The following CHD1 variants were observed in gnomAD, a reference collection of about 807,000 sequenced individuals.
CHD1 encodes chromodomain helicase DNA binding protein 1, also known as ATP-dependent chromatin remodeler CHD1.
A neutral mutation model predicts 224.2 loss-of-function variants in CHD1; 36 were observed. That is an observed-to-expected ratio of 0.16 (90% CI 0.12 to 0.21). The LOEUF (loss-of-function observed/expected upper bound fraction) is 0.21. Ranked by LOEUF, CHD1 falls within the 10% of genes least tolerant of loss-of-function variation. CHD1 has a pLI of 1.00. For synonymous variants in CHD1, 668 were observed against 658.3 expected, an observed-to-expected ratio of 1.01 and a Z score of -0.23; for missense variants, 1,378 against 1,994.8, an observed-to-expected ratio of 0.69 and a Z score of 5.89.
At chr5:98,911,146 A>AAAAAAAAAATAT (rs1491111295) in intron 2 of CHD1, among the ~76,000 whole-genome samples, 6 of 39,140 alleles carry the variant, frequency 1.5e-4, no homozygotes, top group African/African-American at 2.4e-4. Flanking sequence ...AAAAAAAAAA[A>AAAAAAAAAATAT]ATATATATAT....
Position 98,869,767 on chromosome 5 carries a change from T to C in CHD1, c.4094A>G (p.Glu1365Gly). 6.2e-7 allele frequency: 1 copy of C among 1,613,482 alleles called. No homozygotes were observed. The highest frequency in any genetic ancestry group is 8.5e-7 in the Non-Finnish European group (1 of 1,179,694). The change falls in exon 30 of 36, where the codon GAA becomes GGA. Residue 1365 changes from glutamate (E) to glycine (G), a missense_variant. Physicochemically the swap from Glu to Gly is moderately conservative, Grantham distance 98 (BLOSUM62 -2). Around this residue, in one of 16 missense-constraint regions of CHD1, gnomAD observed 105 missense variants for 93.4 expected, o/e 1.12. Coordinates refer to ENST00000614616, the MANE Select transcript of CHD1 (RefSeq NM_001270.4). ...SSPLPSEKSD[E>G]DDDKLSESKS... The stretch of plus-strand genomic sequence containing the variant: ...ACACATTCTTACTTTATCATCATCT[T>C]CATCAGACTTCTCTGAAGGCAGAGG...
At chr5:98,926,984 C>T (rs754463661) in intron 1 of CHD1, among the ~76,000 whole-genome samples, 2 of 150,052 alleles carry the variant, frequency 1.3e-5, no homozygotes, top group African/African-American at 4.9e-5. Flanking sequence ...GAACTTCATA[C>T]ACTTGAGTGA....
chr5:98,893,167 G>T (rs1751128194), intron 14 of CHD1, among the ~76,000 whole-genome samples: 1 of 152,030 alleles, frequency 6.6e-6, no homozygotes, highest in African/African-American at 2.4e-5. Context: ...TTCAAACAAG[G>T]TATATTTTGA....
chr5:98,912,604 G>C (rs1343583565), intron 2 of CHD1, among the ~76,000 whole-genome samples: 1 of 152,166 alleles, frequency 6.6e-6, no homozygotes, highest in Admixed American at 6.5e-5. Flanking sequence ...CCAGGAGGCA[G>C]AGGTTGCAGT....
At chr5:98,869,210 G>A in intron 30 of CHD1, 1 of 979,806 alleles carries the variant, frequency 1.0e-6, no homozygotes, top group Non-Finnish European at 1.2e-6. Context: ...ATCTGGCTCA[G>A]GTTTTTCTTC....
At chr5:98,890,991 T>G (rs1750981823) in intron 15 of CHD1, among the ~76,000 whole-genome samples, 1 of 152,176 alleles carries the variant, frequency 6.6e-6, no homozygotes, top group African/African-American at 2.4e-5. Flanking sequence ...AGAGAAAACT[T>G]GAACACTGAT....
chr5:98,876,645 C>T, intron 23 of CHD1, 87 bp from the exon 24 acceptor site: 1 of 1,167,364 alleles, frequency 8.6e-7, no homozygotes, highest in Non-Finnish European at 1.2e-6. Flanking sequence ...TGGTCGGAAT[C>T]TTAAAAATGT....
intron 16 of CHD1, among the ~76,000 whole-genome samples, 165 bp from the exon 17 acceptor site, chr5:98,888,405 T>C (rs1750792320): frequency 6.6e-6 from 1 of 152,214 alleles, no homozygotes; most frequent in African/African-American, 2.4e-5. Flanking sequence ...ACCATTTCAC[T>C]CTATGACTGA....
Position 98,858,243 on chromosome 5 carries a change from G to A in CHD1, c.4724C>T (p.Pro1575Leu), listed in dbSNP as rs199701368. 1.9e-6 allele frequency: 3 copies of A among 1,613,122 alleles called. No homozygotes were observed. The highest frequency in any genetic ancestry group is 1.3e-5 in the African/African-American group (1 of 74,950). The change falls in exon 35 of 36, where the codon CCC (proline) becomes CTC (leucine). Residue 1575 changes from proline (P) to leucine (L), a missense_variant. By Grantham distance (98) the Pro-to-Leu change is moderately conservative. Coordinates refer to ENST00000614616, the MANE Select transcript of CHD1 (RefSeq NM_001270.4). The stretch of plus-strand genomic sequence containing the variant: ...TTTACCATTACTAAAAGAAGAATAG[G>A]GTCTTTTCCTGGAATCACTTTTTTT... ...SYKKSDSRKR[P>L]YSSFSNGKDH...
intron 7 of CHD1, among the ~76,000 whole-genome samples, chr5:98,900,192 G>A (rs187654156): frequency 0.014 from 2,101 of 151,062 alleles, 42 homozygotes; most frequent in African/African-American, 0.048. Flanking sequence ...TGAGGCAGGA[G>A]AATGGCGTGA....
chr5:98,918,761 A>C (rs537196412), intron 2 of CHD1, among the ~76,000 whole-genome samples: 39 of 136,858 alleles, frequency 2.8e-4, no homozygotes, highest in African/African-American at 1.1e-3. Context: ...TTCAAAAAAA[A>C]AAAAAAACAA....
chr5:98,898,512 G>T, intron 9 of CHD1, 78 bp from the exon 10 acceptor site: 1 of 1,316,066 alleles, frequency 7.6e-7, no homozygotes. Flanking sequence ...TCTTAGTAAA[G>T]GCTACACAAG....
Position 98,854,207 on chromosome 5 carries a change from C to G in CHD1, c.*2173G>C, listed in dbSNP as rs1376434035. ...TCTTACAAAAATGAACATATTTTAT[C>G]ATTTGATAAATGTACATACAGTTCT... On this transcript the variant is annotated 3_prime_UTR_variant, in exon 36 of 36. Coordinates refer to ENST00000614616, the MANE Select transcript of CHD1 (RefSeq NM_001270.4). 1 of 151,932 alleles carries G rather than the reference C, an allele frequency of 6.6e-6. No individual in the cohort carries two copies. Among genetic ancestry groups the G allele is most frequent in the Non-Finnish European group, 1.5e-5 (1 of 67,882 alleles). 9.4% of individuals were successfully genotyped at this position (151,932 alleles called of 1,614,324 possible). A position where few individuals can be genotyped will look rare whatever the true frequency, so the allele number is the denominator to read the frequency against.
Position 98,893,623 on chromosome 5 carries a change from A to G in CHD1, c.1801-17T>C. The stretch of plus-strand genomic sequence containing the variant: ...AAGGAATGCCTTAAAATAATAGAAA[A>G]ACAGTATTTTGAGAGAAAAACGGAA... On this transcript the variant is annotated splice_polypyrimidine_tract_variant and intron_variant, in intron 13 of 35. Transcript: ENST00000614616. The G allele has an allele frequency of 6.7e-7, 1 of 1,497,176 alleles. No homozygotes were observed. The highest frequency in any genetic ancestry group is 9.0e-7 in the Non-Finnish European group (1 of 1,110,566). The allele number at this position is 1,497,176 out of a possible 1,614,324, so 92.7% of individuals were successfully genotyped here.
chr5:98,905,117 C>G lies in CHD1; in HGVS notation c.54-19G>C. ...CGACTGGCTATAATTTGAAAATAAA[C>G]AATTTCAAACAAAATTCATTAGGAA... On this transcript the variant is annotated intron_variant, in intron 2 of 35. Transcript: ENST00000614616. 1.9e-6 allele frequency: 3 copies of G among 1,610,964 alleles called. No individual in the cohort carries two copies. The highest frequency in any genetic ancestry group is 2.5e-6 in the Non-Finnish European group (3 of 1,177,928).
intron 5 of CHD1, among the ~76,000 whole-genome samples, chr5:98,902,428 C>A (rs1389461624): frequency 6.6e-6 from 1 of 151,984 alleles, no homozygotes; most frequent in Admixed American, 6.6e-5. Flanking sequence ...GATTGAGAAT[C>A]TGAAGTATTC....
At chr5:98,913,196 C>T (rs955056811) in intron 2 of CHD1, among the ~76,000 whole-genome samples, 4 of 152,180 alleles carry the variant, frequency 2.6e-5, no homozygotes, top group African/African-American at 9.7e-5. Flanking sequence ...TCTTGCTAGG[C>T]ATGGTGGCTC....
intron 15 of CHD1, chr5:98,889,909 C>A (rs1264561969): frequency 6.6e-6 from 1 of 152,144 alleles, no homozygotes; most frequent in Non-Finnish European, 1.5e-5. Context: ...AAAATAATAT[C>A]CATGGATGGA....
chr5:98,854,179 A>G lies in CHD1; in HGVS notation c.*2201T>C, dbSNP rs1257112506. On this transcript the variant is annotated 3_prime_UTR_variant, in exon 36 of 36. Coordinates refer to ENST00000614616, the MANE Select transcript of CHD1 (RefSeq NM_001270.4). ...TCACCATTGCGTCTTAATTTTTCTG[A>G]TTTCTTACAAAAATGAACATATTTT... The G allele has an allele frequency of 7.6e-6, 1 of 130,914 alleles. No individual in the cohort carries two copies. The highest frequency in any genetic ancestry group is 1.6e-5 in the Non-Finnish European group (1 of 62,264). The allele number at this position is 130,914 out of a possible 1,614,324, so 8.1% of individuals were successfully genotyped here. A position where few individuals can be genotyped will look rare whatever the true frequency, so the allele number is the denominator to read the frequency against.
Sources: allele counts gnomAD v4.1 joint callset (sites outside exome capture counted in the v4.1 genomes callset), GRCh38; gene constraint gnomAD v4.1.1; regional missense constraint gnomAD v4.1.1; transcripts MANE v1.5; gene names NCBI Gene and HGNC (gene_info 2026-07-23, HGNC 2026-07-21).